GPATCH8: variants seen among roughly 807,000 people sequenced by gnomAD.
GPATCH8 encodes G-patch domain containing 8.
A neutral mutation model predicts 118.3 loss-of-function variants in GPATCH8; 18 were observed. The observed-to-expected ratio is 0.15, with a 90% CI of 0.11 to 0.23. GPATCH8 has a LOEUF of 0.23. Among genes scored for constraint, GPATCH8 ranks in the 10% least tolerant of loss-of-function variants. The pLI, the probability that GPATCH8 is intolerant of heterozygous loss-of-function variation, is 1.00. For synonymous variants in GPATCH8, 659 were observed against 684.7 expected (o/e 0.96, Z 0.59); for missense variants, 1,631 against 1,873.8 (o/e 0.87, Z 2.39).
intron 7 of GPATCH8, among the ~76,000 whole-genome samples, chr17:44,401,873 A>C (rs2049034903): frequency 6.6e-6 from 1 of 151,996 alleles, no homozygotes; most frequent in Non-Finnish European, 1.5e-5. Context: ...GCATGGTGGC[A>C]CACACCTGTA....
chr17:44,423,086 C>G (rs1321915233), intron 6 of GPATCH8, among the ~76,000 whole-genome samples: 4 of 151,722 alleles, frequency 2.6e-5, no homozygotes, highest in African/African-American at 9.7e-5. Context: ...ACTAAAAATA[C>G]AAAAATTAGC....
chr17:44,478,305 A>G (rs1479163181), intron 1 of GPATCH8, among the ~76,000 whole-genome samples: 1 of 152,198 alleles, frequency 6.6e-6, no homozygotes, highest in Non-Finnish European at 1.5e-5. Context: ...CAGAACACCA[A>G]TGTACAGCTG....
intron 3 of GPATCH8, among the ~76,000 whole-genome samples, chr17:44,455,778 G>A (rs1001232327): frequency 3.3e-5 from 5 of 151,920 alleles, no homozygotes; most frequent in African/African-American, 4.8e-5. Context: ...ACAGAGTTTC[G>A]CTCTTGTCAC....
intron 3 of GPATCH8, among the ~76,000 whole-genome samples, chr17:44,447,325 A>G (rs1277710229): frequency 2.0e-5 from 3 of 147,866 alleles, no homozygotes; most frequent in African/African-American, 5.0e-5. Context: ...TGCCTGGCTA[A>G]TTTTTGTATT....
At chr17:44,481,286 G>GT (rs1347890516) in intron 1 of GPATCH8, among the ~76,000 whole-genome samples, 1 of 152,162 alleles carries the variant, frequency 6.6e-6, no homozygotes, top group Non-Finnish European at 1.5e-5. Flanking sequence ...GTCTGTGAAT[G>GT]TTTTTAACAA....
intron 1 of GPATCH8, 60 bp downstream of exon 1, chr17:44,503,266 G>A (rs1299086947): frequency 7.0e-7 from 1 of 1,430,222 alleles, no homozygotes; most frequent in Non-Finnish European, 9.7e-7. Flanking sequence ...AGCCGGAGAT[G>A]AAGGAGGTTC....
chr17:44,458,140 A>T (rs2051407161), intron 3 of GPATCH8, among the ~76,000 whole-genome samples: 1 of 150,196 alleles, frequency 6.7e-6, no homozygotes, highest in African/African-American at 2.5e-5. Flanking sequence ...AGTCCCCACT[A>T]CTCATGGGTC....
At chr17:44,428,533 T>G (rs2050172700) in intron 5 of GPATCH8, among the ~76,000 whole-genome samples, 2 of 150,072 alleles carry the variant, frequency 1.3e-5, no homozygotes, top group South Asian at 2.1e-4. Context: ...CCAGGCATAG[T>G]GGCTCACACC....
chr17:44,430,525 A>G (rs1186115774), intron 5 of GPATCH8, among the ~76,000 whole-genome samples: 1 of 152,224 alleles, frequency 6.6e-6, no homozygotes, highest in Non-Finnish European at 1.5e-5. Context: ...AGGAATTTCT[A>G]GAAATTAGGC....
At chr17:44,461,983 A>G (rs892837192) in intron 3 of GPATCH8, among the ~76,000 whole-genome samples, 1 of 152,154 alleles carries the variant, frequency 6.6e-6, no homozygotes, top group African/African-American at 2.4e-5. Context: ...TACAGGCATA[A>G]GCCACAGCAC....
chr17:44,436,638 T>C (rs2050524351), intron 3 of GPATCH8, 93 bp from the exon 4 acceptor site: 1 of 772,358 alleles, frequency 1.3e-6, no homozygotes, highest in South Asian at 1.4e-5. Context: ...GATCTTGCCT[T>C]GGAGTGCAGA....
rs727502862 is a variant in GPATCH8, at chr17:44,399,142, C to T, written c.2935G>A (p.Ala979Thr). 6.2e-7 allele frequency: 1 copy of T among 1,607,710 alleles called. No individual in the cohort carries two copies. Among genetic ancestry groups the T allele is most frequent in the Non-Finnish European group, 8.5e-7 (1 of 1,174,634 alleles). Residue 979 changes from alanine (A) to threonine (T), a missense_variant, in exon 8 of 8, where the codon GCC becomes ACC. By Grantham distance (58) the Ala-to-Thr change is moderately conservative. Around this residue, in one of 8 missense-constraint regions of GPATCH8, gnomAD observed 922 missense variants for 879.7 expected, o/e 1.05. Coordinates refer to ENST00000591680, the MANE Select transcript of GPATCH8 (RefSeq NM_001002909.4). Reference protein sequence around the residue: ...RSKRRSRSTTAHSWQRSRSYS... With the variant: ...RSKRRSRSTTTHSWQRSRSYS... ...CTCCGGCTCCGTTGCCAGCTGTGGG[C>T]TGTGGTGCTACGGCTTCTCCGCTTG...
intron 3 of GPATCH8, among the ~76,000 whole-genome samples, chr17:44,462,948 TC>T (rs2051617800): frequency 6.6e-6 from 1 of 151,820 alleles, no homozygotes; most frequent in Admixed American, 6.6e-5. Flanking sequence ...GCCGCTGCAC[TC>T]TAGCCTGGGC....
At chr17:44,471,130 T>A (rs1294447756) in intron 2 of GPATCH8, among the ~76,000 whole-genome samples, 1 of 152,244 alleles carries the variant, frequency 6.6e-6, no homozygotes, top group Non-Finnish European at 1.5e-5. Flanking sequence ...AGATATTTCA[T>A]TCTTGAGGAA....
At chr17:44,468,649 T>G (rs1382582570) in intron 2 of GPATCH8, among the ~76,000 whole-genome samples, 5 of 152,054 alleles carry the variant, frequency 3.3e-5, no homozygotes, top group Admixed American at 3.3e-4. Flanking sequence ...AAAAATCTTT[T>G]GGTTTTTGTT....
intron 1 of GPATCH8, among the ~76,000 whole-genome samples, chr17:44,491,111 G>A (rs1969210802): frequency 6.6e-6 from 1 of 152,178 alleles, no homozygotes; most frequent in Non-Finnish European, 1.5e-5. Flanking sequence ...ACAATCAAGA[G>A]CCTATAATCT....
chr17:44,421,541 T>G (rs2049902785), intron 6 of GPATCH8, among the ~76,000 whole-genome samples: 1 of 151,450 alleles, frequency 6.6e-6, no homozygotes, highest in African/African-American at 2.4e-5. Context: ...AATTTTTGTA[T>G]TTTCAATGGA....
intron 1 of GPATCH8, among the ~76,000 whole-genome samples, chr17:44,497,475 G>GT (rs1406196436): frequency 3.3e-5 from 5 of 151,710 alleles, no homozygotes; most frequent in African/African-American, 1.2e-4. Context: ...GTAGCCCCAG[G>GT]TACTCAGGAG....
intron 1 of GPATCH8, among the ~76,000 whole-genome samples, chr17:44,479,114 T>C (rs1968011220): frequency 6.6e-6 from 1 of 152,146 alleles, no homozygotes; most frequent in Non-Finnish European, 1.5e-5. Flanking sequence ...CAAACACAGA[T>C]TATTAGAGAA....
Sources: allele counts gnomAD v4.1 joint callset (sites outside exome capture counted in the v4.1 genomes callset), GRCh38; gene constraint gnomAD v4.1.1; regional missense constraint gnomAD v4.1.1; transcripts MANE v1.5; gene names NCBI Gene and HGNC (gene_info 2026-07-23, HGNC 2026-07-21).